The following CALN1 variants were observed in gnomAD, a reference collection of about 807,000 sequenced individuals.
CALN1 encodes the protein calneuron 1.
A neutral mutation model predicts 30.6 loss-of-function variants in CALN1; 17 were observed. The observed-to-expected ratio is 0.56, with a 90% CI of 0.38 to 0.83. CALN1 has a LOEUF of 0.83. Ranked by LOEUF, CALN1 falls within the 40% of genes least tolerant of loss-of-function variation. CALN1 has a pLI of 0.00. For missense variants in CALN1, 291 were observed against 354.9 expected (o/e 0.82, Z 1.45); for synonymous variants, 156 against 131.4 (o/e 1.19, Z -1.28).
chr7:72,418,644 G>A (rs1807506331), intron 1 of CALN1, among the ~76,000 whole-genome samples: 1 of 151,996 alleles, frequency 6.6e-6, no homozygotes, highest in Admixed American at 6.5e-5. Flanking sequence ...AGGGCTCCTG[G>A]AGTTTACCAG....
At chr7:72,155,948 T>G (rs1787647235) in intron 3 of CALN1, among the ~76,000 whole-genome samples, 1 of 152,190 alleles carries the variant, frequency 6.6e-6, no homozygotes. Flanking sequence ...TCTAATCTCC[T>G]GCCTCACTCT....
At chr7:72,306,941 T>A (rs1799696861) in intron 2 of CALN1, among the ~76,000 whole-genome samples, 1 of 152,094 alleles carries the variant, frequency 6.6e-6, no homozygotes. Context: ...CAAAACCCCA[T>A]CTCCAGATAG....
intron 5 of CALN1, among the ~76,000 whole-genome samples, chr7:71,971,952 A>AAGAAAG (rs1797837054): frequency 1.1e-4 from 12 of 112,656 alleles, no homozygotes; most frequent in African/African-American, 5.0e-4. Flanking sequence ...AAAAAAAAAA[A>AAGAAAG]AAAAGAAAGA....
At chr7:71,901,082 T>C (rs1448147573) in intron 5 of CALN1, among the ~76,000 whole-genome samples, 1 of 152,198 alleles carries the variant, frequency 6.6e-6, no homozygotes, top group African/African-American at 2.4e-5. Flanking sequence ...TAAACTTCTT[T>C]GCCTACTCTT....
rs551513476 is a variant in CALN1, at chr7:72,148,827, C to T, written c.245-42533G>A. Among the ~76,000 whole-genome samples, 6 of 151,896 alleles carry T rather than the reference C, an allele frequency of 4.0e-5. No homozygotes were observed. The South Asian group carries it at 8.3e-4, about 21-fold the overall frequency. Reference sequence around the variant, plus strand: ...GGCTGAGGCAGGAGAATCATTGGAACCCTGAGATGGAGGTTGCAGTGAGCC... The same window carrying T: ...GGCTGAGGCAGGAGAATCATTGGAATCCTGAGATGGAGGTTGCAGTGAGCC... On this transcript the variant is annotated intron_variant, in intron 3 of 6. Transcript: ENST00000395275.
chr7:72,251,896 T>C (rs1795587819), intron 3 of CALN1, among the ~76,000 whole-genome samples: 1 of 152,288 alleles, frequency 6.6e-6, no homozygotes, highest in African/African-American at 2.4e-5. Context: ...TTTCTTACAA[T>C]TGCATGTGAC....
chr7:71,806,081 G>A (rs1353385545), intron 6 of CALN1, among the ~76,000 whole-genome samples: 2 of 152,162 alleles, frequency 1.3e-5, no homozygotes, highest in Admixed American at 1.3e-4. Flanking sequence ...AGAGCATCAG[G>A]AAAAATAGCT....
intron 2 of CALN1, among the ~76,000 whole-genome samples, chr7:72,326,057 C>G (rs999837559): frequency 3.3e-5 from 5 of 152,188 alleles, no homozygotes; most frequent in African/African-American, 1.2e-4. Context: ...TGCCCGCCAC[C>G]ACGCCTGGCT....
At chr7:72,380,501 T>C (rs1272293617) in intron 2 of CALN1, among the ~76,000 whole-genome samples, 1 of 152,282 alleles carries the variant, frequency 6.6e-6, no homozygotes, top group East Asian at 1.9e-4. Context: ...TGCGCATCTG[T>C]AGTTCCAGCT....
intron 5 of CALN1, among the ~76,000 whole-genome samples, chr7:72,007,559 A>G (rs1799843273): frequency 6.6e-6 from 1 of 152,160 alleles, no homozygotes. Context: ...AACACAAAAC[A>G]AAACGAACAA....
intron 5 of CALN1, among the ~76,000 whole-genome samples, chr7:71,822,340 C>T (rs543807234): frequency 4.6e-5 from 7 of 152,144 alleles, no homozygotes; most frequent in Non-Finnish European, 1.0e-4. Context: ...CCTCCGCCTC[C>T]CGGGTTCAAG....
chr7:72,338,090 A>C (rs914239484), intron 2 of CALN1, among the ~76,000 whole-genome samples: 19 of 152,156 alleles, frequency 1.2e-4, no homozygotes, highest in African/African-American at 4.3e-4. Context: ...CAAGAAAAAG[A>C]AAGAAAGCAG....
the CALN1 span, among the ~76,000 whole-genome samples, chr7:72,475,245 C>T: frequency 1.3e-5 from 2 of 151,996 alleles, no homozygotes; most frequent in African/African-American, 2.4e-5. Flanking sequence ...GGGTGGATAT[C>T]GAGGTCAGGA....
Position 71,784,864 on chromosome 7 carries a change from T to A in CALN1, c.*2911A>T. The A allele has an allele frequency of 2.5e-6, 1 of 398,620 alleles. No individual in the cohort carries two copies. Among genetic ancestry groups the A allele is most frequent in the Non-Finnish European group, 4.4e-6 (1 of 226,080 alleles). 24.7% of individuals were successfully genotyped at this position (398,620 alleles called of 1,614,324 possible). ...CAGGACCTTCTGGAATCTTCAGCCG[T>A]GAGCTTCATAGCCACCATGATGGGG... On this transcript the variant is annotated 3_prime_UTR_variant, in exon 7 of 7. Coordinates refer to ENST00000395275, the MANE Select transcript of CALN1 (RefSeq NM_031468.4).
At chr7:72,230,306 G>C (rs181615853) in intron 3 of CALN1, among the ~76,000 whole-genome samples, 1 of 149,852 alleles carries the variant, frequency 6.7e-6, no homozygotes, top group African/African-American at 2.5e-5. Context: ...GATCAGCCTG[G>C]GCAATGTGGC....
In CALN1 at chr7:72,023,747, A is replaced by G. The variant is rs372234176; in HGVS notation, c.411T>C (p.Asp137=). 6.2e-7 allele frequency: 1 copy of G among 1,613,808 alleles called. No homozygotes were observed. The highest frequency in any genetic ancestry group is 1.3e-5 in the African/African-American group (1 of 74,920). ...DMDGDGQVDF[D]EFMTILGPKL... ...TGGGGCCAAGAATGGTCATGAATTCATCAAAATCCACCTGGCCATCCCCTG... is the reference window on the plus strand; with the variant it reads ...TGGGGCCAAGAATGGTCATGAATTCGTCAAAATCCACCTGGCCATCCCCTG... The change falls in exon 5 of 7, where the codon GAT becomes GAC. Residue 137 remains aspartate (D), a synonymous_variant. Coordinates refer to ENST00000395275, the MANE Select transcript of CALN1 (RefSeq NM_031468.4).
chr7:71,941,475 A>C (rs1290337408), intron 5 of CALN1, among the ~76,000 whole-genome samples: 2 of 152,250 alleles, frequency 1.3e-5, no homozygotes, highest in Non-Finnish European at 2.9e-5. Flanking sequence ...ACAAGACAGC[A>C]GACCCAGTAT....
intron 3 of CALN1, among the ~76,000 whole-genome samples, chr7:72,251,396 CTTT>C (rs561449124): frequency 2.0e-5 from 3 of 151,542 alleles, no homozygotes; most frequent in Admixed American, 2.0e-4. Flanking sequence ...CTCTGAACTA[CTTT>C]TTTTTTCCTT....
chr7:71,831,397 T>C (rs886249951), intron 5 of CALN1, among the ~76,000 whole-genome samples: 6 of 151,844 alleles, frequency 4.0e-5, no homozygotes, highest in Non-Finnish European at 5.9e-5. Context: ...GGAGAATCGC[T>C]TGAACCCAGG....
Sources: gnomAD v4.1 joint callset for allele counts (sites outside exome capture counted in the v4.1 genomes callset) on GRCh38, gnomAD v4.1.1 for gene constraint, MANE v1.5 for transcripts, NCBI Gene and HGNC (gene_info 2026-07-23, HGNC 2026-07-21) for gene names.